The following HPSE2 variants were observed in gnomAD, a reference collection of about 807,000 sequenced individuals.
HPSE2 encodes inactive heparanase-2.
Under a neutral mutation model 60.5 loss-of-function variants are expected in HPSE2, and 38 were observed. The ratio of observed to expected loss-of-function variants is 0.63; its 90% CI spans 0.48 to 0.82. HPSE2 has a LOEUF of 0.82. Ranked by LOEUF, HPSE2 falls within the 40% of genes least tolerant of loss-of-function variation. HPSE2 has a pLI of 0.00. For missense variants in HPSE2, 713 were observed against 740.4 expected (o/e 0.96, Z 0.43); for synonymous variants, 295 against 293.2 (o/e 1.01, Z -0.06).
intron 4 of HPSE2, among the ~76,000 whole-genome samples, chr10:98,732,566 A>G (rs913792388): frequency 1.3e-5 from 2 of 152,154 alleles, no homozygotes; most frequent in Non-Finnish European, 2.9e-5. Flanking sequence ...GGTACTGGGA[A>G]TCTCTATATC....
At chr10:99,280,422 C>G in the HPSE2 span, among the ~76,000 whole-genome samples, 1 of 152,104 alleles carries the variant, frequency 6.6e-6, no homozygotes, top group Non-Finnish European at 1.5e-5. Flanking sequence ...TCAAATGTAC[C>G]CAGTTACATA....
chr10:98,462,380 T>C (rs1022782787), intron 11 of HPSE2, among the ~76,000 whole-genome samples: 1 of 152,122 alleles, frequency 6.6e-6, no homozygotes, highest in Admixed American at 6.5e-5. Flanking sequence ...GGTTTCACCA[T>C]GTTGGCCAGG....
intron 2 of HPSE2, among the ~76,000 whole-genome samples, chr10:99,145,393 T>C (rs11189994): frequency 0.02 from 3,038 of 151,290 alleles, 107 homozygotes; most frequent in African/African-American, 0.069. Context: ...GAGGTGGAGG[T>C]TGCAGTGAGC....
intron 3 of HPSE2, among the ~76,000 whole-genome samples, chr10:99,063,463 C>T (rs976144196): frequency 7.9e-5 from 12 of 151,998 alleles, no homozygotes; most frequent in Non-Finnish European, 1.6e-4. Context: ...TTAAAAAGAT[C>T]GGTAATACCC....
chr10:99,300,259 C>G, the HPSE2 span, among the ~76,000 whole-genome samples: 4 of 152,216 alleles, frequency 2.6e-5, no homozygotes, highest in East Asian at 7.7e-4. Context: ...GTTTAAGACA[C>G]CCAGACCCAT....
At chr10:99,082,223 T>C (rs566726869) in intron 3 of HPSE2, among the ~76,000 whole-genome samples, 7 of 152,084 alleles carry the variant, frequency 4.6e-5, no homozygotes, top group African/African-American at 2.4e-5. Flanking sequence ...TAACCCTAAA[T>C]CTAAACCGAT....
chr10:98,561,691 T>C (rs1944187479), intron 9 of HPSE2, among the ~76,000 whole-genome samples: 1 of 151,886 alleles, frequency 6.6e-6, no homozygotes, highest in South Asian at 2.1e-4. Flanking sequence ...CTACTAAAAA[T>C]AAAAAAATTA....
intron 11 of HPSE2, among the ~76,000 whole-genome samples, chr10:98,460,126 T>C (rs761479612): frequency 6.6e-6 from 1 of 152,180 alleles, no homozygotes; most frequent in Non-Finnish European, 1.5e-5. Context: ...TTTTTAAAAA[T>C]CACAATATCA....
At chr10:98,501,914 G>A (rs1942039859) in intron 9 of HPSE2, among the ~76,000 whole-genome samples, 1 of 151,228 alleles carries the variant, frequency 6.6e-6, no homozygotes, top group African/African-American at 2.4e-5. Flanking sequence ...CAACCAAGTG[G>A]AGAATCAAAT....
intron 9 of HPSE2, among the ~76,000 whole-genome samples, chr10:98,578,668 C>A (rs1456489588): frequency 6.6e-6 from 1 of 152,158 alleles, no homozygotes; most frequent in Admixed American, 6.5e-5. Flanking sequence ...TTAACAGATT[C>A]CTTGGCCAAA....
chr10:98,916,592 G>A (rs1954125492), intron 3 of HPSE2, among the ~76,000 whole-genome samples: 1 of 152,210 alleles, frequency 6.6e-6, no homozygotes, highest in African/African-American at 2.4e-5. Context: ...AAAGGGAAAA[G>A]TTACCATATT....
At chr10:98,740,732 A>G (rs980368201) in intron 4 of HPSE2, among the ~76,000 whole-genome samples, 31 of 152,326 alleles carry the variant, frequency 2.0e-4, no homozygotes, top group African/African-American at 7.2e-4. Context: ...ATATGGAAAG[A>G]TGAGTGATAA....
intron 3 of HPSE2, among the ~76,000 whole-genome samples, chr10:98,870,404 A>G (rs1404480049): frequency 6.6e-6 from 1 of 152,154 alleles, no homozygotes; most frequent in Non-Finnish European, 1.5e-5. Flanking sequence ...GAAGCAGGGT[A>G]AAGTAATGGG....
chr10:99,109,849 AT>A (rs1193522154), intron 3 of HPSE2, among the ~76,000 whole-genome samples: 1 of 152,222 alleles, frequency 6.6e-6, no homozygotes, highest in Admixed American at 6.5e-5. Context: ...GTAAACAAAA[AT>A]GTTTAATATG....
chr10:98,889,477 G>A (rs1953271545), intron 3 of HPSE2, among the ~76,000 whole-genome samples: 1 of 151,928 alleles, frequency 6.6e-6, no homozygotes, highest in Non-Finnish European at 1.5e-5. Flanking sequence ...CAAAGTGCTG[G>A]GATTACAGGC....
At chr10:99,026,769 A>G (rs1957386853) in intron 3 of HPSE2, among the ~76,000 whole-genome samples, 1 of 152,220 alleles carries the variant, frequency 6.6e-6, no homozygotes, top group Non-Finnish European at 1.5e-5. Flanking sequence ...AGTATCAAGT[A>G]TCTTCCCTGA....
chr10:98,764,276 A>G (rs1190238245), intron 3 of HPSE2, among the ~76,000 whole-genome samples: 1 of 152,198 alleles, frequency 6.6e-6, no homozygotes, highest in Non-Finnish European at 1.5e-5. Context: ...AATAAATTCA[A>G]ATGGAACACT....
chr10:98,841,550 T>C (rs1285238546), intron 3 of HPSE2, among the ~76,000 whole-genome samples: 1 of 152,218 alleles, frequency 6.6e-6, no homozygotes, highest in Non-Finnish European at 1.5e-5. Flanking sequence ...TCAATAGTAT[T>C]GCTAAAATTC....
In HPSE2 at chr10:98,691,137, T is replaced by A. The variant is rs180864398; in HGVS notation, c.1004+2763A>T. 4.7e-3 allele frequency among the ~76,000 whole-genome samples: 721 copies of A among 152,312 alleles called. 3 individuals carry two copies. The highest frequency in any genetic ancestry group is 7.3e-3 in the Non-Finnish European group (496 of 68,012). ...AAGAAACGTGGCATTTGGCTTTAATTTTCATGAAGTCCTCCTGGCCAGAAT... is the reference window on the plus strand; with the variant it reads ...AAGAAACGTGGCATTTGGCTTTAATATTCATGAAGTCCTCCTGGCCAGAAT... On this transcript the variant is annotated intron_variant, in intron 6 of 11. Transcript: ENST00000370552.
Sources: allele counts gnomAD v4.1 joint callset (sites outside exome capture counted in the v4.1 genomes callset), GRCh38; gene constraint gnomAD v4.1.1; transcripts MANE v1.5; gene names NCBI Gene and HGNC (gene_info 2026-07-23, HGNC 2026-07-21).